SH3GL2: variants seen among roughly 807,000 people sequenced by gnomAD.
SH3GL2 encodes SH3 domain containing GRB2 like 2, endophilin A1.
A neutral mutation model predicts 46.0 loss-of-function variants in SH3GL2; 24 were observed. The ratio of observed to expected loss-of-function variants is 0.52; its 90% confidence interval spans 0.38 to 0.73. SH3GL2 has a LOEUF of 0.73. Ranked by LOEUF, SH3GL2 falls within the 30% of genes least tolerant of loss-of-function variation. The probability of loss-of-function intolerance (pLI) is 0.00; values close to 1 mark genes in which losing one functional copy is unlikely to be tolerated. For synonymous variants in SH3GL2, 196 were observed against 147.1 expected (o/e 1.33, Z -2.40); for missense variants, 413 against 424.2 (o/e 0.97, Z 0.23).
chr9:17,603,765 C>G (rs1234426844), intron 1 of SH3GL2, among the ~76,000 whole-genome samples: 2 of 152,046 alleles, frequency 1.3e-5, no homozygotes, highest in African/African-American at 2.4e-5. Context: ...GAGGCTGAGA[C>G]AGGAGAATCA....
At chr9:17,599,131 C>A (rs541915788) in intron 1 of SH3GL2, among the ~76,000 whole-genome samples, 1 of 152,030 alleles carries the variant, frequency 6.6e-6, no homozygotes, top group East Asian at 1.9e-4. Flanking sequence ...TCCTTTTTGT[C>A]ACATCTTAAA....
At chr9:17,789,646 T>A in intron 6 of SH3GL2, 96 bp downstream of exon 6, 1 of 1,548,416 alleles carries the variant, frequency 6.5e-7, no homozygotes, top group African/African-American at 1.4e-5. Flanking sequence ...AATATCTGAT[T>A]ACACTATGTG....
At chr9:17,751,824 A>C (rs2131137611) in intron 2 of SH3GL2, among the ~76,000 whole-genome samples, 1 of 152,154 alleles carries the variant, frequency 6.6e-6, no homozygotes, top group Non-Finnish European at 1.5e-5. Flanking sequence ...ATGGGAAAGG[A>C]GGAGGCGTGG....
chr9:17,718,645 C>G (rs1821820129), intron 1 of SH3GL2, among the ~76,000 whole-genome samples: 1 of 152,074 alleles, frequency 6.6e-6, no homozygotes, highest in Non-Finnish European at 1.5e-5. Context: ...GAAGGATCAC[C>G]TGAGCCTGGG....
intron 1 of SH3GL2, among the ~76,000 whole-genome samples, chr9:17,659,461 G>A (rs1820162631): frequency 6.6e-6 from 1 of 152,010 alleles, no homozygotes; most frequent in South Asian, 2.1e-4. Context: ...GTGTGTGTGT[G>A]TTTTCTCACG....
At chr9:17,776,783 A>C (rs1355878336) in intron 3 of SH3GL2, among the ~76,000 whole-genome samples, 1 of 152,034 alleles carries the variant, frequency 6.6e-6, no homozygotes, top group Non-Finnish European at 1.5e-5. Context: ...GTGCTGCTAC[A>C]GGCTTAACAA....
rs768916213 is a variant in SH3GL2 at position 17,786,388 on chromosome 9, A to G, written c.195A>G (p.Arg65=). Residue 65 remains arginine, a synonymous_variant, in exon 4 of 9, where the codon AGA becomes AGG. Transcript: ENST00000380607. ...TTCTCTCTTCACCTTCAGCTTCCAG[A>G]GCTAAGCTCAGCATGATCAACACCA... ...IEYLQPNPAS[R]AKLSMINTMS... 6.2e-7 allele frequency: 1 copy of G among 1,609,022 alleles called. No individual in the cohort carries two copies. Among genetic ancestry groups the G allele is most frequent in the South Asian group, 1.1e-5 (1 of 90,450 alleles).
At chr9:17,755,873 G>A (rs1822973787) in intron 2 of SH3GL2, 2 of 582,962 alleles carry the variant, frequency 3.4e-6, no homozygotes, top group South Asian at 7.5e-5. Context: ...CCCCATTCTA[G>A]TCATTTCCAT....
At chr9:17,656,639 A>T (rs1820083763) in intron 1 of SH3GL2, among the ~76,000 whole-genome samples, 1 of 152,014 alleles carries the variant, frequency 6.6e-6, no homozygotes, top group African/African-American at 2.4e-5. Flanking sequence ...AGCTGTTGAA[A>T]TTATATTCAG....
intron 1 of SH3GL2, among the ~76,000 whole-genome samples, chr9:17,613,171 G>A (rs1444045069): frequency 6.6e-6 from 1 of 152,148 alleles, no homozygotes; most frequent in Non-Finnish European, 1.5e-5. Flanking sequence ...TGTGACCATT[G>A]CTTTTCTGAT....
chr9:17,761,543 T>C (rs547870010), intron 3 of SH3GL2, 34 bp downstream of exon 3: 12 of 1,267,204 alleles, frequency 9.5e-6, no homozygotes, highest in Non-Finnish European at 1.3e-5. Context: ...AAAGGATCCC[T>C]CGAGGTAACT....
At chr9:17,738,078 A>G (rs1307202942) in intron 1 of SH3GL2, among the ~76,000 whole-genome samples, 1 of 152,056 alleles carries the variant, frequency 6.6e-6, no homozygotes, top group Non-Finnish European at 1.5e-5. Context: ...GTTTATATAT[A>G]CAGTCATCTA....
At chr9:17,582,764 C>T (rs530442710) in intron 1 of SH3GL2, among the ~76,000 whole-genome samples, 1 of 152,288 alleles carries the variant, frequency 6.6e-6, no homozygotes, top group African/African-American at 2.4e-5. Flanking sequence ...GCCAGTAGGG[C>T]CACGAGCTCT....
At chr9:17,623,872 A>G (rs1819215145) in intron 1 of SH3GL2, among the ~76,000 whole-genome samples, 1 of 152,160 alleles carries the variant, frequency 6.6e-6, no homozygotes, top group Admixed American at 6.5e-5. Context: ...ACTATTATCA[A>G]CTTGAGTAAA....
At chr9:17,681,809 C>T (rs1820775985) in intron 1 of SH3GL2, among the ~76,000 whole-genome samples, 1 of 151,754 alleles carries the variant, frequency 6.6e-6, no homozygotes, top group Non-Finnish European at 1.5e-5. Context: ...TACCCATCTG[C>T]CAAAGGTATA....
At chr9:17,698,353 G>C (rs1239009391) in intron 1 of SH3GL2, among the ~76,000 whole-genome samples, 1 of 152,170 alleles carries the variant, frequency 6.6e-6, no homozygotes, top group African/African-American at 2.4e-5. Context: ...TACAGAGGTA[G>C]CTTTCCAGGC....
chr9:17,776,471 G>T (rs1402261707), intron 3 of SH3GL2, among the ~76,000 whole-genome samples: 1 of 152,034 alleles, frequency 6.6e-6, no homozygotes, highest in African/African-American at 2.4e-5. Context: ...ACAAATGTCT[G>T]TCACAACCTC....
chr9:17,770,943 T>C (rs557324506), intron 3 of SH3GL2, among the ~76,000 whole-genome samples: 73 of 152,318 alleles, frequency 4.8e-4, no homozygotes, highest in Admixed American at 1.2e-3. Context: ...TGACTCTACA[T>C]TGTTTGCAGC....
intron 1 of SH3GL2, among the ~76,000 whole-genome samples, chr9:17,676,333 C>T (rs183986857): frequency 3.4e-4 from 51 of 152,196 alleles, no homozygotes; most frequent in Admixed American, 2.0e-3. Context: ...AGGCTGGGCA[C>T]GGTGGCTCAC....
Sources: gnomAD v4.1 joint callset for allele counts (sites outside exome capture counted in the v4.1 genomes callset) on GRCh38, gnomAD v4.1.1 for gene constraint, MANE v1.5 for transcripts, NCBI Gene and HGNC (gene_info 2026-07-23, HGNC 2026-07-21) for gene names.